Variants in DEFB1 observed in about 807,000 individuals in gnomAD.
The protein encoded by DEFB1 is beta-defensin 1.
DEFB1 carries 4 observed loss-of-function variants against 2.6 expected under a neutral mutation model. The observed-to-expected ratio is 1.53, with a 90% CI of 0.76 to 3.51. The LOEUF is 3.51. DEFB1 is among the 30% of genes most tolerant of loss of function. The pLI is 0.01. For missense variants in DEFB1, 162 were observed against 76.9 expected, an observed-to-expected ratio of 2.11 and a Z score of -4.14; for synonymous variants, 56 against 28.5, an observed-to-expected ratio of 1.96 and a Z score of -3.07.
At chr8:6,877,688 C>A in intron 1 of DEFB1, 109 bp downstream of exon 1, 3 of 988,330 alleles carry the variant, frequency 3.0e-6, no homozygotes, top group Non-Finnish European at 4.7e-6. Context: ...TGCTTTCCTG[C>A]TGCTTGTTCC....
intron 1 of DEFB1, among the ~76,000 whole-genome samples, chr8:6,871,473 G>T (rs553553586): frequency 1.3e-5 from 2 of 152,066 alleles, no homozygotes; most frequent in Non-Finnish European, 2.9e-5. Flanking sequence ...GGGAACAGTC[G>T]CCTGTGATAT....
In DEFB1 at chr8:6,870,722, G is replaced by C. The variant is rs148577927; in HGVS notation, c.166C>G (p.Gln56Glu). 1.9e-6 allele frequency: 3 copies of C among 1,614,214 alleles called. No homozygotes were observed. The South Asian group carries it at 3.3e-5, about 18-fold the overall frequency. ...YSACPIFTKI[Q>E]GTCYRGKAKC... ...GCCTTCCCTCTGTAACAGGTGCCTT[G>C]AATTTTGGTAAAGATCGGGCAGGCA... Residue 56 changes from glutamine (Q) to glutamate (E), a missense_variant, in exon 2 of 2, where the codon CAA becomes GAA. By Grantham distance (29) the Gln-to-Glu change is conservative (BLOSUM62 2). Transcript: ENST00000297439.
At chr8:6,873,369 T>C (rs1250879356) in intron 1 of DEFB1, among the ~76,000 whole-genome samples, 5 of 152,228 alleles carry the variant, frequency 3.3e-5, no homozygotes, top group Non-Finnish European at 7.3e-5. Context: ...TCTAGTACAT[T>C]ATGGGACACA....
intron 1 of DEFB1, among the ~76,000 whole-genome samples, chr8:6,874,470 C>T (rs554826260): frequency 5.9e-5 from 9 of 152,074 alleles, no homozygotes; most frequent in Non-Finnish European, 1.2e-4. Context: ...CGAGAATAGC[C>T]AAGACACATT....
intron 1 of DEFB1, among the ~76,000 whole-genome samples, chr8:6,877,125 C>G (rs757977186): frequency 6.6e-6 from 1 of 152,188 alleles, no homozygotes; most frequent in Non-Finnish European, 1.5e-5. Context: ...CTCGTGTGAA[C>G]AAGGATAGGG....
At chr8:6,870,963 C>T in intron 1 of DEFB1, 137 bp from the exon 2 acceptor site, 2 of 972,814 alleles carry the variant, frequency 2.1e-6, no homozygotes, top group Non-Finnish European at 2.9e-6. Flanking sequence ...CATGATTGAT[C>T]TTTGGGGCTA....
At chr8:6,876,264 C>T (rs1218170755) in intron 1 of DEFB1, among the ~76,000 whole-genome samples, 2 of 152,042 alleles carry the variant, frequency 1.3e-5, no homozygotes, top group African/African-American at 4.8e-5. Flanking sequence ...ACCATGAGGT[C>T]AGGAGTTAAA....
intron 1 of DEFB1, among the ~76,000 whole-genome samples, chr8:6,872,228 C>G (rs780721161): frequency 6.6e-5 from 10 of 152,014 alleles, no homozygotes; most frequent in Non-Finnish European, 1.3e-4. Context: ...TTCCGCCAAC[C>G]AAGGTAAATA....
rs573030979 is a variant in DEFB1, at chr8:6,873,093, G to T, written c.62-2267C>A. 5.3e-5 allele frequency among the ~76,000 whole-genome samples: 8 copies of T among 152,296 alleles called. No homozygotes were observed. In the East Asian group the frequency reaches 1.5e-3, roughly 29 times the overall value. On this transcript the variant is annotated intron_variant, in intron 1 of 1. Transcript: ENST00000297439. ...TATATATGCTGATTAAGCAGAGGAG[G>T]CCCAAATTTAATATGGATGTAGCTT...
At chr8:6,872,813 A>T (rs1806369989) in intron 1 of DEFB1, among the ~76,000 whole-genome samples, 1 of 152,188 alleles carries the variant, frequency 6.6e-6, no homozygotes. Flanking sequence ...ACCTCAAGTA[A>T]GATCATGACC....
Position 6,870,707 on chromosome 8 carries a change from T to C in DEFB1, c.181A>G (p.Arg61Gly), listed in dbSNP as rs147178531. 17 of 1,614,224 alleles carry C rather than the reference T, an allele frequency of 1.1e-5. No individual in the cohort carries two copies. The African/African-American group carries it at 1.3e-4, about 13-fold the overall frequency. The change falls in exon 2 of 2, where the codon AGA (arginine) becomes GGA (glycine). Residue 61 changes from arginine (R) to glycine (G), a missense_variant. Physicochemically the swap from Arg to Gly is moderately radical, Grantham distance 125. Transcript: ENST00000297439. ...CACTTGCAGCACTTGGCCTTCCCTC[T>C]GTAACAGGTGCCTTGAATTTTGGTA... ...IFTKIQGTCY[R>G]GKAKCCK
At chr8:6,872,266 C>T (rs1333768601) in intron 1 of DEFB1, among the ~76,000 whole-genome samples, 1 of 152,138 alleles carries the variant, frequency 6.6e-6, no homozygotes, top group African/African-American at 2.4e-5. Flanking sequence ...ATTTTGTTCT[C>T]AAAGCAGCAC....
At chr8:6,872,791 G>A (rs997347366) in intron 1 of DEFB1, among the ~76,000 whole-genome samples, 22 of 152,022 alleles carry the variant, frequency 1.4e-4, no homozygotes, top group South Asian at 2.1e-4. Flanking sequence ...TAATAATCTC[G>A]CCATAATGTT....
At position 6,877,823 on chromosome 8, in the gene DEFB1, CA is replaced by C. The variant is rs763414826; in HGVS notation, c.34del (p.Cys12AlafsTer71). ...RTSYLLLFTL[C>X]LLLSEMASGG... is the part of the protein sequence containing the mutation. ...TGAGGCCATCTCAGACAAAAGTAAG[CA>C]GAGAGTAAACAGCAGAAGGTAGGAA... On this transcript the variant is annotated frameshift_variant, in exon 1 of 2. Coordinates refer to ENST00000297439, the MANE Select transcript of DEFB1 (RefSeq NM_005218.4). LOFTEE classifies it low-confidence loss of function (END_TRUNC). 9 of 1,613,852 alleles carry C rather than the reference CA, an allele frequency of 5.6e-6. No homozygotes were observed. The highest frequency in any genetic ancestry group is 3.3e-4 in the Middle Eastern group (2 of 6,084).
At chr8:6,876,034 C>G (rs1168945534) in intron 1 of DEFB1, among the ~76,000 whole-genome samples, 2 of 152,120 alleles carry the variant, frequency 1.3e-5, no homozygotes, top group Non-Finnish European at 2.9e-5. Context: ...CTTTCAAACC[C>G]TTTTGAGTTT....
chr8:6,872,106 T>A (rs1806343882), intron 1 of DEFB1, among the ~76,000 whole-genome samples: 1 of 152,150 alleles, frequency 6.6e-6, no homozygotes, highest in Non-Finnish European at 1.5e-5. Context: ...CCTCAATGCC[T>A]GGTTTCTGGT....
rs148630406 is a variant in DEFB1 at position 6,872,973 on chromosome 8, C to T, written c.62-2147G>A. On this transcript the variant is annotated intron_variant, in intron 1 of 1. Transcript: ENST00000297439. ...AGTGATTATCTGTTATTAGAGAGAT[C>T]AACTGAGCATATAAATTTGAAAGCA... Among the ~76,000 whole-genome samples, 9 of 152,308 alleles carry T rather than the reference C, an allele frequency of 5.9e-5. No individual in the cohort carries two copies. In the East Asian group the frequency reaches 1.5e-3, roughly 26 times the overall value.
chr8:6,874,151 A>ACG (rs1806431842), intron 1 of DEFB1, among the ~76,000 whole-genome samples: 1 of 136,150 alleles, frequency 7.3e-6, no homozygotes, highest in Admixed American at 7.5e-5. Context: ...ACACACGCAC[A>ACG]CACACGCACA....
intron 1 of DEFB1, among the ~76,000 whole-genome samples, chr8:6,871,476 T>C (rs1219888740): frequency 6.6e-6 from 1 of 152,210 alleles, no homozygotes; most frequent in Non-Finnish European, 1.5e-5. Context: ...AACAGTCGCC[T>C]GTGATATTCC....
Sources: gnomAD v4.1 joint callset for allele counts (sites outside exome capture counted in the v4.1 genomes callset) on GRCh38, gnomAD v4.1.1 for gene constraint, MANE v1.5 for transcripts, NCBI Gene and HGNC (gene_info 2026-07-23, HGNC 2026-07-21) for gene names.